Variants in NUP88 observed in about 807,000 individuals in gnomAD.
NUP88 encodes nucleoporin 88, also known as nuclear pore complex protein Nup88.
In NUP88, 57 loss-of-function variants were observed where a neutral mutation model predicts 93.9. That is an observed-to-expected ratio of 0.61 (90% CI 0.49 to 0.76). NUP88 has a LOEUF of 0.76. NUP88 is among the 30% of genes least tolerant of loss of function. The probability of loss-of-function intolerance (pLI) is 0.00; values close to 1 mark genes in which losing one functional copy is unlikely to be tolerated. For synonymous variants in NUP88, 346 were observed against 336.8 expected (o/e 1.03, Z -0.30); for missense variants, 911 against 901.0 (o/e 1.01, Z -0.14).
Position 5,388,867 on chromosome 17 carries a change from T to G in NUP88, c.1578A>C (p.Pro526=). The G allele has an allele frequency of 6.2e-7, 1 of 1,614,102 alleles. No homozygotes were observed. The highest frequency in any genetic ancestry group is 1.1e-5 in the South Asian group (1 of 91,066). Residue 526 remains proline, a synonymous_variant, in exon 11 of 17, where the codon CCA becomes CCC. Coordinates refer to ENST00000573584, the MANE Select transcript of NUP88 (RefSeq NM_002532.6). ...ESPLRVLAET[P]DSFEKHIRSI... ...TTCTAATATGCTTTTCAAAGGAATC[T>G]GGGGTTTCAGCCAGAACACGGAGGG...
intron 9 of NUP88, 59 bp downstream of exon 9, chr17:5,394,832 A>C: frequency 8.6e-7 from 1 of 1,162,662 alleles, no homozygotes; most frequent in South Asian, 1.2e-5. Flanking sequence ...ATACAAACGT[A>C]TCTGAACTGC....
At chr17:5,416,158 A>AGTATAT (rs1398677145) in intron 2 of NUP88, among the ~76,000 whole-genome samples, 32 of 94,026 alleles carry the variant, frequency 3.4e-4, no homozygotes, top group East Asian at 1.1e-3. Flanking sequence ...AAAAAAAAAA[A>AGTATAT]AAAAAAAAGT....
At chr17:5,411,378 A>G (rs1913832504) in intron 3 of NUP88, among the ~76,000 whole-genome samples, 1 of 152,292 alleles carries the variant, frequency 6.6e-6, no homozygotes, top group South Asian at 2.1e-4. Context: ...AGCCTGGCCA[A>G]CATGATGAAA....
At chr17:5,395,615 G>A (rs1195795414) in intron 8 of NUP88, among the ~76,000 whole-genome samples, 1 of 151,258 alleles carries the variant, frequency 6.6e-6, no homozygotes, top group Non-Finnish European at 1.5e-5. Context: ...TGCAACCTCC[G>A]GCTTCTGGGT....
intron 10 of NUP88, among the ~76,000 whole-genome samples, chr17:5,389,543 C>T (rs1265303006): frequency 1.3e-5 from 2 of 151,980 alleles, no homozygotes; most frequent in East Asian, 1.9e-4. Context: ...TTTGGGAGGC[C>T]GAGGCAGGTG....
intron 9 of NUP88, among the ~76,000 whole-genome samples, chr17:5,393,792 C>A (rs567101369): frequency 1.3e-5 from 2 of 152,200 alleles, no homozygotes; most frequent in East Asian, 1.9e-4. Context: ...CCCCACCAAG[C>A]GTTTTCCCTG....
intron 8 of NUP88, among the ~76,000 whole-genome samples, chr17:5,398,940 G>C (rs1396921088): frequency 6.7e-6 from 1 of 148,254 alleles, no homozygotes; most frequent in Non-Finnish European, 1.5e-5. Flanking sequence ...CCAGGCTGGA[G>C]TGCAGTGGCG....
At chr17:5,395,477 AAAAG>A (rs771708682) in intron 8 of NUP88, among the ~76,000 whole-genome samples, 6 of 152,170 alleles carry the variant, frequency 3.9e-5, no homozygotes, top group Non-Finnish European at 7.3e-5. Context: ...AAGGATGGAA[AAAAG>A]AAAAGTTTTG....
intron 11 of NUP88, 41 bp from the exon 12 acceptor site, chr17:5,387,945 TA>T (rs1912141106): frequency 6.4e-7 from 1 of 1,556,120 alleles, no homozygotes. Context: ...CTTAGCTGAG[TA>T]AAACAACTGA....
chr17:5,387,346 G>A (rs771787718), intron 14 of NUP88, 40 bp downstream of exon 14: 2 of 1,537,776 alleles, frequency 1.3e-6, no homozygotes, highest in South Asian at 2.2e-5. Context: ...ATCGTTGTTA[G>A]TACCTGACTA....
At chr17:5,386,870 A>G (rs1295825418) in intron 15 of NUP88, 44 bp from the exon 16 acceptor site, 1 of 1,583,912 alleles carries the variant, frequency 6.3e-7, no homozygotes, top group African/African-American at 1.3e-5. Flanking sequence ...GGTTTGCCAC[A>G]CATTTTCACA....
chr17:5,395,456 C>T (rs1325755549), intron 8 of NUP88, among the ~76,000 whole-genome samples: 1 of 152,104 alleles, frequency 6.6e-6, no homozygotes, highest in African/African-American at 2.4e-5. Context: ...TTTTGTAGCT[C>T]ACTCAGGTTC....
intron 2 of NUP88, 114 bp from the exon 3 acceptor site, chr17:5,414,248 T>C (rs1431888294): frequency 1.2e-6 from 1 of 863,064 alleles, no homozygotes; most frequent in East Asian, 3.0e-5. Context: ...CAGGCTGGAG[T>C]GTAACGGCAC....
chr17:5,388,596 C>G, intron 11 of NUP88: 1 of 491,228 alleles, frequency 2.0e-6, no homozygotes, highest in Non-Finnish European at 3.5e-6. Flanking sequence ...CCTAGCCTAA[C>G]TTCTTTTTAA....
At chr17:5,389,492 G>T (rs1912270213) in intron 10 of NUP88, among the ~76,000 whole-genome samples, 1 of 152,198 alleles carries the variant, frequency 6.6e-6, no homozygotes, top group Non-Finnish European at 1.5e-5. Flanking sequence ...TAACGTGAAT[G>T]TTTGGTTGGG....
In NUP88 at chr17:5,385,921, T is replaced by A. The variant is rs1911920780; in HGVS notation, c.*285A>T. 1 of 355,916 alleles carries A rather than the reference T, an allele frequency of 2.8e-6. No individual in the cohort carries two copies. 22.0% of individuals were successfully genotyped at this position (355,916 alleles called of 1,614,324 possible). A position where few individuals can be genotyped will look rare whatever the true frequency, so the allele number is the denominator to read the frequency against. Reference sequence around the variant, plus strand: ...CACAAGAATAACTAACTTGCTCAAATATGGAGAAAACTCAATAGGGTTCAG... The same window carrying A: ...CACAAGAATAACTAACTTGCTCAAAAATGGAGAAAACTCAATAGGGTTCAG... On this transcript the variant is annotated 3_prime_UTR_variant, in exon 17 of 17. Coordinates refer to ENST00000573584, the MANE Select transcript of NUP88 (RefSeq NM_002532.6).
intron 4 of NUP88, among the ~76,000 whole-genome samples, chr17:5,410,026 C>T (rs1480587435): frequency 4.6e-5 from 7 of 152,106 alleles, no homozygotes; most frequent in Admixed American, 3.3e-4. Context: ...CCTGTGGACC[C>T]TTTATAGGTA....
Position 5,410,796 on chromosome 17 carries a change from A to G in NUP88, c.594-7T>C, listed in dbSNP as rs1597328902. The stretch of plus-strand genomic sequence containing the variant: ...CTCACGTAGTGAGTAAATTCTAGCA[A>G]CCAAAAGAGAAGAAAACCAGCACTT... On this transcript the variant is annotated splice_polypyrimidine_tract_variant and splice_region_variant and intron_variant, in intron 3 of 16. Coordinates refer to ENST00000573584, the MANE Select transcript of NUP88 (RefSeq NM_002532.6). The G allele has an allele frequency of 6.4e-7, 1 of 1,574,650 alleles. No homozygotes were observed. The highest frequency in any genetic ancestry group is 8.7e-7 in the Non-Finnish European group (1 of 1,154,628).
At chr17:5,401,310 G>A (rs1158616300) in intron 7 of NUP88, among the ~76,000 whole-genome samples, 2 of 152,100 alleles carry the variant, frequency 1.3e-5, no homozygotes, top group East Asian at 1.9e-4. Flanking sequence ...TCGAACCTGG[G>A]AGGTGGAGGT....
Sources: gnomAD v4.1 joint callset for allele counts (sites outside exome capture counted in the v4.1 genomes callset) on GRCh38, gnomAD v4.1.1 for gene constraint, MANE v1.5 for transcripts, NCBI Gene and HGNC (gene_info 2026-07-23, HGNC 2026-07-21) for gene names.